Variants in AOX1 observed in about 807,000 individuals in gnomAD.
The protein encoded by AOX1 is aldehyde oxidase.
Under a neutral mutation model 169.5 loss-of-function variants are expected in AOX1, and 153 were observed. That is an observed-to-expected ratio of 0.90 (90% CI 0.79 to 1.03). AOX1 has a LOEUF of 1.03. Among genes scored for constraint, AOX1 ranks in the 50% least tolerant of loss-of-function variants. The pLI, the probability that AOX1 is intolerant of heterozygous loss-of-function variation, is 0.00. For missense variants in AOX1, 1,656 were observed against 1,663.9 expected (o/e 1.00, Z 0.08); for synonymous variants, 562 against 581.9 (o/e 0.97, Z 0.49).
chr2:200,677,909 G>C (rs2036121181), downstream of AOX1, among the ~76,000 whole-genome samples: 1 of 152,192 alleles, frequency 6.6e-6, no homozygotes, highest in Non-Finnish European at 1.5e-5. Flanking sequence ...AAAAGAAGTG[G>C]AGGCTCAGAG....
chr2:200,629,337 T>C (rs1455052310), intron 20 of AOX1, among the ~76,000 whole-genome samples: 2 of 152,252 alleles, frequency 1.3e-5, no homozygotes, highest in Non-Finnish European at 2.9e-5. Context: ...TTATAAGAGA[T>C]AATCATGTGT....
At chr2:200,657,193 T>TTTC (rs2035713846) in intron 27 of AOX1, among the ~76,000 whole-genome samples, 1 of 122,254 alleles carries the variant, frequency 8.2e-6, no homozygotes, top group African/African-American at 3.2e-5. Flanking sequence ...TATATATATT[T>TTTC]TTTTTTTTTT....
intron 17 of AOX1, 142 bp downstream of exon 17, chr2:200,620,961 G>A (rs1574928920): frequency 7.6e-7 from 1 of 1,311,450 alleles, no homozygotes; most frequent in East Asian, 2.4e-5. Flanking sequence ...GGATCGAAAT[G>A]TAGGATTTAC....
chr2:200,657,412 T>G (rs4674303), intron 27 of AOX1, among the ~76,000 whole-genome samples: 72,148 of 151,224 alleles, frequency 0.48, 18,168 homozygotes, highest in East Asian at 0.8. Flanking sequence ...GACAGTTTAC[T>G]CTGTTAAATG....
At position 200,637,114 on chromosome 2, in the gene AOX1, G is replaced by T. The variant is rs1228377156; in HGVS notation, c.2480+70G>T. ...AAGTTCTCACTGTCAGAATCAATGA[G>T]GAAGAACCTGGGCCAAGATTATTTA... On this transcript the variant is annotated intron_variant, in intron 22 of 34. Transcript: ENST00000374700. The T allele has an allele frequency of 5.7e-6, 9 of 1,575,190 alleles. No individual in the cohort carries two copies. In the East Asian group the frequency reaches 9.1e-5, roughly 16 times the overall value.
chr2:200,609,389 C>T lies in AOX1; in HGVS notation c.1128C>T (p.Asn376=). 1 of 1,614,006 alleles carries T rather than the reference C, an allele frequency of 6.2e-7. No homozygotes were observed. Among genetic ancestry groups the T allele is most frequent in the Non-Finnish European group, 8.5e-7 (1 of 1,179,904 alleles). ...TGAATCCCATCCTGGCTGTGGGTAA[C>T]TGTACCCTCAACTTGCTATCAAAAG... is the stretch of plus-strand genomic sequence containing the variant. ...SDLNPILAVG[N]CTLNLLSKEG... is the part of the protein sequence containing the mutation. Residue 376 remains asparagine, a synonymous_variant, in exon 12 of 35, where the codon AAC becomes AAT. Transcript: ENST00000374700.
chr2:200,657,272 G>T (rs1378415477), intron 27 of AOX1, among the ~76,000 whole-genome samples: 1 of 146,920 alleles, frequency 6.8e-6, no homozygotes, highest in Non-Finnish European at 1.5e-5. Flanking sequence ...TGGGAGGATT[G>T]CTTGAGCCTG....
At chr2:200,672,142 G>A (rs992676408), downstream of AOX1, among the ~76,000 whole-genome samples, 1 of 152,158 alleles carries the variant, frequency 6.6e-6, no homozygotes, top group Admixed American at 6.5e-5. Context: ...GAGGCTGCTG[G>A]GACCACAGAC....
In AOX1 at chr2:200,594,921, AAGAC is replaced by A. The variant is rs566954193; in HGVS notation, c.104-347_104-344del. 1.6e-3 allele frequency among the ~76,000 whole-genome samples: 237 copies of A among 152,364 alleles called. 1 individual carries two copies. Among genetic ancestry groups the A allele is most frequent in the African/African-American group, 5.4e-3 (225 of 41,590 alleles). On this transcript the variant is annotated intron_variant, in intron 2 of 34. Coordinates refer to ENST00000374700, the MANE Select transcript of AOX1 (RefSeq NM_001159.4). ...TTTAATATTTTGCTTTGTGTCATCA[AAGAC>A]AGAGATAAGGATGAGAATAAATGTG...
intron 5 of AOX1, 24 bp from the exon 6 acceptor site, chr2:200,602,260 C>T (rs1553567252): frequency 1.2e-6 from 2 of 1,612,030 alleles, no homozygotes; most frequent in Admixed American, 1.7e-5. Flanking sequence ...ACTTGGCTAA[C>T]AGAGCTGGGT....
intron 26 of AOX1, among the ~76,000 whole-genome samples, chr2:200,654,599 C>G: frequency 6.6e-6 from 1 of 152,172 alleles, no homozygotes; most frequent in East Asian, 1.9e-4. Flanking sequence ...CCTAACCAAC[C>G]TCTGTGTGTC....
At chr2:200,603,384 G>A (rs374371168) in intron 7 of AOX1, 28 bp downstream of exon 7, 15 of 1,571,404 alleles carry the variant, frequency 9.5e-6, no homozygotes, top group Non-Finnish European at 8.8e-7. Flanking sequence ...CTTTTATAAG[G>A]CTTTCTCAGG....
At chr2:200,602,474 G>A in intron 6 of AOX1, 129 bp downstream of exon 6, 1 of 791,770 alleles carries the variant, frequency 1.3e-6, no homozygotes, top group Non-Finnish European at 2.1e-6. Flanking sequence ...GTTTCTAGCT[G>A]CTGTTTGTTA....
At chr2:200,594,578 T>C (rs796965280) in intron 2 of AOX1, among the ~76,000 whole-genome samples, 1 of 152,050 alleles carries the variant, frequency 6.6e-6, no homozygotes, top group Non-Finnish European at 1.5e-5. Context: ...TTCCAGCAAA[T>C]AGGAAGAAGT....
At chr2:200,636,059 A>G (rs2035222595) in intron 21 of AOX1, among the ~76,000 whole-genome samples, 1 of 138,024 alleles carries the variant, frequency 7.2e-6, no homozygotes, top group Non-Finnish European at 1.6e-5. Context: ...TGAGATCTGC[A>G]TCTAGGAAAG....
At chr2:200,635,156 G>C (rs1176094557) in intron 21 of AOX1, among the ~76,000 whole-genome samples, 2 of 152,066 alleles carry the variant, frequency 1.3e-5, no homozygotes, top group Non-Finnish European at 2.9e-5. Context: ...TATTTCTTCA[G>C]GGACTGAAGA....
chr2:200,642,128 TA>T (rs879652522), intron 24 of AOX1, among the ~76,000 whole-genome samples: 65 of 147,170 alleles, frequency 4.4e-4, no homozygotes, highest in African/African-American at 1.3e-3. Flanking sequence ...AAACTCTGTC[TA>T]AAAAAAAAAG....
At chr2:200,679,663 C>CT (rs942985626), downstream of AOX1, among the ~76,000 whole-genome samples, 1 of 152,034 alleles carries the variant, frequency 6.6e-6, no homozygotes, top group African/African-American at 2.4e-5. Flanking sequence ...GACGCCCCCC[C>CT]CCGAGTCTGT....
intron 31 of AOX1, among the ~76,000 whole-genome samples, chr2:200,664,792 C>A (rs2105773857): frequency 6.6e-6 from 1 of 152,344 alleles, no homozygotes; most frequent in South Asian, 2.1e-4. Flanking sequence ...TCACTTTGAA[C>A]CTACATCTAA....
Sources: allele counts gnomAD v4.1 joint callset (sites outside exome capture counted in the v4.1 genomes callset), GRCh38; gene constraint gnomAD v4.1.1; transcripts MANE v1.5; gene names NCBI Gene and HGNC (gene_info 2026-07-23, HGNC 2026-07-21).